Variants in MRPL45 observed in about 807,000 individuals in gnomAD.
The protein encoded by MRPL45 is mitochondrial ribosomal protein L45, also known as large ribosomal subunit protein mL45.
Under a neutral mutation model 38.1 loss-of-function variants are expected in MRPL45, and 20 were observed. That is an observed-to-expected ratio of 0.53 (90% CI 0.37 to 0.76). The LOEUF is 0.76. Ranked by LOEUF, MRPL45 falls within the 30% of genes least tolerant of loss-of-function variation. The pLI, the probability that MRPL45 is intolerant of heterozygous loss-of-function variation, is 0.00. For synonymous variants in MRPL45, 105 were observed against 128.8 expected, an observed-to-expected ratio of 0.82 and a Z score of 1.25; for missense variants, 337 against 395.6, an observed-to-expected ratio of 0.85 and a Z score of 1.26.
chr17:38,297,442 T>C (rs548262575), intron 1 of MRPL45, among the ~76,000 whole-genome samples, 193 bp downstream of exon 1: 3 of 152,110 alleles, frequency 2.0e-5, no homozygotes, highest in Non-Finnish European at 4.4e-5. Flanking sequence ...GACAGGGCCA[T>C]GAGAGCGAGT....
At chr17:38,301,946 T>A (rs2144203766) in intron 3 of MRPL45, among the ~76,000 whole-genome samples, 1 of 151,420 alleles carries the variant, frequency 6.6e-6, no homozygotes, top group African/African-American at 2.4e-5. Context: ...GGAAACCCCG[T>A]CTCTACTAAA....
intron 5 of MRPL45, among the ~76,000 whole-genome samples, chr17:38,319,053 T>A (rs1299577593): frequency 7.4e-6 from 1 of 135,008 alleles, no homozygotes; most frequent in Non-Finnish European, 1.6e-5. Context: ...TTATTTATTT[T>A]GAGATGGAGT....
At chr17:38,320,501 G>T in intron 5 of MRPL45, 117 bp from the exon 6 acceptor site, 1 of 1,044,014 alleles carries the variant, frequency 9.6e-7, no homozygotes, top group Non-Finnish European at 1.4e-6. Flanking sequence ...AGAGCATGTG[G>T]TGGGAAACGT....
chr17:38,299,779 CAGACTAGAATGCAATGGCACG>C (rs1193339110), intron 3 of MRPL45, among the ~76,000 whole-genome samples: 1 of 151,672 alleles, frequency 6.6e-6, no homozygotes, highest in Non-Finnish European at 1.5e-5. Context: ...TCTTGTTGCC[CAGACTAGAATGCAATGGCACG>C]ATCTTGGCTC....
intron 5 of MRPL45, 145 bp from the exon 6 acceptor site, chr17:38,320,473 A>G: frequency 1.2e-6 from 1 of 800,130 alleles, no homozygotes; most frequent in South Asian, 1.8e-5. Flanking sequence ...AGAAGGTGCA[A>G]GAGAAAATAG....
At chr17:38,312,336 G>A (rs1327868325) in intron 4 of MRPL45, among the ~76,000 whole-genome samples, 1 of 152,148 alleles carries the variant, frequency 6.6e-6, no homozygotes, top group South Asian at 2.1e-4. Context: ...GTGAGCCACC[G>A]TGCCCAGCCA....
Position 38,322,094 on chromosome 17 carries a change from C to T in MRPL45, c.661-32C>T, listed in dbSNP as rs1453845510. The T allele has an allele frequency of 1.9e-6, 3 of 1,596,492 alleles. No individual in the cohort carries two copies. The East Asian group carries it at 6.7e-5, about 36-fold the overall frequency. ...AACTCACACTCACACACCAAAAAAA[C>T]TAAGAGGCCAGATTTGCTTTTATCC... On this transcript the variant is annotated intron_variant, in intron 6 of 7. Transcript: ENST00000613675.
intron 3 of MRPL45, among the ~76,000 whole-genome samples, chr17:38,302,508 T>C (rs1361137505): frequency 1.2e-5 from 1 of 80,350 alleles, no homozygotes; most frequent in Admixed American, 1.4e-4. Context: ...AAAAAAAAGT[T>C]TGTTTTTTTT....
At chr17:38,318,822 CTTTTCTTTTTTTTT>C in intron 5 of MRPL45, 87 bp downstream of exon 5, 2 of 576,000 alleles carry the variant, frequency 3.5e-6, no homozygotes, top group Non-Finnish European at 5.9e-6. Context: ...CTTTTCTTTT[CTTTTCTTTTTTTTT>C]TTTTTTTTGA....
intron 3 of MRPL45, among the ~76,000 whole-genome samples, chr17:38,304,349 A>G (rs1327397339): frequency 6.6e-6 from 1 of 152,106 alleles, no homozygotes; most frequent in Non-Finnish European, 1.5e-5. Context: ...GGTAGTGCAC[A>G]CCTGCAGTTC....
intron 4 of MRPL45, among the ~76,000 whole-genome samples, chr17:38,312,236 G>A (rs1312647402): frequency 4.0e-5 from 6 of 151,816 alleles, no homozygotes; most frequent in African/African-American, 1.2e-4. Context: ...TAGTAGAGAC[G>A]GGGTTCACCA....
At position 38,298,470 on chromosome 17, in the gene MRPL45, G is replaced by A. The variant is rs149900445; in HGVS notation, c.88G>A (p.Ala30Thr). 1.7e-5 allele frequency: 28 copies of A among 1,613,764 alleles called. No homozygotes were observed. The highest frequency in any genetic ancestry group is 1.7e-4 in the Middle Eastern group (1 of 6,056). Residue 30 changes from alanine (A) to threonine (T), a missense_variant, in exon 2 of 8, where the codon GCA becomes ACA. This residue lies in a region of MRPL45 where 60 missense variants were observed against 109.6 expected (regional missense o/e 0.55). Transcript: ENST00000613675. ...CCAGCCAGTTCTGGTGACTCAGTCCGCAGCTATAGTTCCAGTAAGAACTAA... is the reference window on the plus strand; with the variant it reads ...CCAGCCAGTTCTGGTGACTCAGTCCACAGCTATAGTTCCAGTAAGAACTAA... ...SRQPVLVTQS[A>T]AIVPVRTKKR... is the part of the protein sequence containing the mutation.
intron 4 of MRPL45, among the ~76,000 whole-genome samples, chr17:38,308,163 G>T (rs2037073079): frequency 6.6e-6 from 1 of 151,968 alleles, no homozygotes; most frequent in Non-Finnish European, 1.5e-5. Context: ...TTGAGACGGA[G>T]TCTAGCTCTG....
chr17:38,305,234 C>T (rs1597647326), intron 3 of MRPL45, among the ~76,000 whole-genome samples: 2 of 124,412 alleles, frequency 1.6e-5, no homozygotes, highest in African/African-American at 2.6e-5. Flanking sequence ...TTTGGGAGGC[C>T]GAGGCAGGCA....
At chr17:38,308,419 C>T (rs1438273843) in intron 4 of MRPL45, among the ~76,000 whole-genome samples, 3 of 111,890 alleles carry the variant, frequency 2.7e-5, no homozygotes, top group African/African-American at 6.4e-5. Flanking sequence ...TGTTTTATTT[C>T]TCAAAACATT....
intron 4 of MRPL45, among the ~76,000 whole-genome samples, chr17:38,311,108 C>T (rs2037107584): frequency 2.0e-5 from 3 of 151,794 alleles, no homozygotes; most frequent in African/African-American, 4.8e-5. Context: ...CAATTCTTAC[C>T]ACTATCCATT....
At chr17:38,302,678 T>A (rs1327321356) in intron 3 of MRPL45, among the ~76,000 whole-genome samples, 1 of 151,764 alleles carries the variant, frequency 6.6e-6, no homozygotes, top group Non-Finnish European at 1.5e-5. Context: ...ATGTGATACT[T>A]GTTCTTTATT....
chr17:38,309,617 AT>A (rs1555561585), intron 4 of MRPL45, among the ~76,000 whole-genome samples: 1 of 33,906 alleles, frequency 2.9e-5, no homozygotes. Context: ...TTAAATTTTT[AT>A]TTTTATTTTT....
chr17:38,315,482 T>C (rs1049772248), intron 4 of MRPL45, among the ~76,000 whole-genome samples: 22 of 151,978 alleles, frequency 1.4e-4, no homozygotes, highest in African/African-American at 5.3e-4. Context: ...TTGCCCAGGC[T>C]GGTCTCGAAC....
Sources: gnomAD v4.1 joint callset for allele counts (sites outside exome capture counted in the v4.1 genomes callset) on GRCh38, gnomAD v4.1.1 for gene constraint, gnomAD v4.1.1 regional missense constraint, MANE v1.5 for transcripts, NCBI Gene and HGNC (gene_info 2026-07-23, HGNC 2026-07-21) for gene names.